The following FARP1 variants were observed in gnomAD, a reference collection of about 807,000 sequenced individuals.
The protein encoded by FARP1 is FERM, ARH/RhoGEF and pleckstrin domain protein 1, also known as FERM, ARHGEF and pleckstrin domain-containing protein 1.
Under a neutral mutation model 128.8 loss-of-function variants are expected in FARP1, and 52 were observed. The observed-to-expected ratio is 0.40, with a 90% CI of 0.32 to 0.51. The LOEUF (loss-of-function observed/expected upper bound fraction) is 0.51, where lower values mean the gene tolerates loss of function less well. Ranked by LOEUF, FARP1 falls within the 20% of genes least tolerant of loss-of-function variation. FARP1 has a pLI of 0.45. For missense variants in FARP1, 1,333 were observed against 1,367.9 expected (o/e 0.97, Z 0.40); for synonymous variants, 580 against 551.8 (o/e 1.05, Z -0.72).
At chr13:98,329,101 G>T (rs558208967) in intron 2 of FARP1, 1 of 152,264 alleles carries the variant, frequency 6.6e-6, no homozygotes, top group Admixed American at 6.5e-5. Context: ...GAAACGCTGC[G>T]CTGCCTATCA....
chr13:98,396,392 G>A lies in FARP1; in HGVS notation c.1414+916G>A, dbSNP rs192715888. On this transcript the variant is annotated intron_variant, in intron 13 of 26. Coordinates refer to ENST00000319562, the MANE Select transcript of FARP1 (RefSeq NM_005766.4). ...ATATTTGGTAACCCCGCAGTGCTGC[G>A]TTCCCCGTCCCTGCTGAGAAGCCGG... 5.8e-5 allele frequency: 23 copies of A among 399,254 alleles called. No individual in the cohort carries two copies. In the East Asian group the frequency reaches 6.8e-4, roughly 12 times the overall value. The allele number at this position is 399,254 out of a possible 1,614,324, so 24.7% of individuals were successfully genotyped here.
At chr13:98,315,366 A>C (rs1254071635) in intron 2 of FARP1, among the ~76,000 whole-genome samples, 2 of 152,068 alleles carry the variant, frequency 1.3e-5, no homozygotes, top group African/African-American at 2.4e-5. Flanking sequence ...CTGCCTCCCA[A>C]AGTGCTGGGA....
In FARP1 at chr13:98,293,139, G is replaced by A. The variant is rs531622138; in HGVS notation, c.172-50623G>A. Among the ~76,000 whole-genome samples, 4 of 152,238 alleles carry A rather than the reference G, an allele frequency of 2.6e-5. No homozygotes were observed. The East Asian group carries it at 7.7e-4, about 29-fold the overall frequency. On this transcript the variant is annotated intron_variant, in intron 2 of 26. Transcript: ENST00000319562. ...CGAATCTTTTCTTAACTCAATGGTG[G>A]ATGACTGACATTGCCCTATTTTCCA...
chr13:98,419,955 T>C (rs1266012756), intron 16 of FARP1, among the ~76,000 whole-genome samples: 1 of 152,132 alleles, frequency 6.6e-6, no homozygotes, highest in East Asian at 1.9e-4. Flanking sequence ...GTATGCAGTG[T>C]GCCAGTCACT....
chr13:98,299,535 G>A, intron 2 of FARP1, among the ~76,000 whole-genome samples: 1 of 152,150 alleles, frequency 6.6e-6, no homozygotes, highest in East Asian at 1.9e-4. Flanking sequence ...ATTGTGTGTG[G>A]AGTTATGCTC....
At chr13:98,446,523 TG>T in intron 25 of FARP1, 142 bp from the exon 26 acceptor site, 1 of 813,704 alleles carries the variant, frequency 1.2e-6, no homozygotes, top group Non-Finnish European at 2.0e-6. Flanking sequence ...AGGCAAACAC[TG>T]GCTGCCATGG....
chr13:98,440,315 A>T lies in FARP1; in HGVS notation c.2629+80A>T, dbSNP rs1244100745. The T allele has an allele frequency of 7.0e-6, 7 of 1,003,652 alleles. No homozygotes were observed. In the African/African-American group the frequency reaches 7.9e-5, roughly 11 times the overall value. 62.2% of individuals were successfully genotyped at this position (1,003,652 alleles called of 1,614,324 possible). A position where few individuals can be genotyped will look rare whatever the true frequency, so the allele number is the denominator to read the frequency against. ...GCATTTCTGCATCTAAAGCCACCCC[A>T]TCGGGTAGGCCTCACATCCGTGGTG... On this transcript the variant is annotated intron_variant, in intron 23 of 26. Coordinates refer to ENST00000319562, the MANE Select transcript of FARP1 (RefSeq NM_005766.4).
chr13:98,446,113 A>G lies in FARP1; in HGVS notation c.2812A>G (p.Asn938Asp), dbSNP rs1892818747. The G allele has an allele frequency of 6.2e-7, 1 of 1,613,726 alleles. No individual in the cohort carries two copies. Among genetic ancestry groups the G allele is most frequent in the Non-Finnish European group, 8.5e-7 (1 of 1,179,644 alleles). The change falls in exon 25 of 27, where the codon AAC (asparagine) becomes GAC (aspartate). Residue 938 changes from asparagine (N) to aspartate (D), a missense_variant. By Grantham distance (23) the Asn-to-Asp change is conservative. Around this residue, in one of 2 missense-constraint regions of FARP1, gnomAD observed 1,009 missense variants for 969.8 expected, o/e 1.04. Transcript: ENST00000319562. ...SIAVENQLSG[N>D]LLRKFKNSNG... is the part of the protein sequence containing the mutation. ...TGCCTTTCAGAATCAGTTGTCTGGA[A>G]ACCTGCTGAGGAAATTCAAAAACAG...
At chr13:98,379,182 T>TCTATATA (rs1889781215) in intron 6 of FARP1, among the ~76,000 whole-genome samples, 3 of 74,346 alleles carry the variant, frequency 4.0e-5, no homozygotes, top group African/African-American at 2.4e-4. Context: ...CTATATATAA[T>TCTATATA]ATATATAATA....
At chr13:98,343,351 A>G (rs1242488828) in intron 2 of FARP1, among the ~76,000 whole-genome samples, 1 of 152,168 alleles carries the variant, frequency 6.6e-6, no homozygotes, top group African/African-American at 2.4e-5. Context: ...TGAGCTATGG[A>G]GTGTGAGTGA....
In FARP1 at chr13:98,143,100, C is replaced by G. The variant is rs1285439512; in HGVS notation, c.-416C>G. ...GGGAGGGGCGGTGGCCACTGCACTT[C>G]CCGCTCGCCGGCCTCAGAGGCGGCG... On this transcript the variant is annotated 5_prime_UTR_variant, in exon 1 of 27. Coordinates refer to ENST00000319562, the MANE Select transcript of FARP1 (RefSeq NM_005766.4). 2 of 147,800 alleles carry G rather than the reference C, an allele frequency of 1.4e-5. No homozygotes were observed. The highest frequency in any genetic ancestry group is 3.0e-5 in the Non-Finnish European group (2 of 66,300). 9.2% of individuals were successfully genotyped at this position (147,800 alleles called of 1,614,324 possible). A position where few individuals can be genotyped will look rare whatever the true frequency, so the allele number is the denominator to read the frequency against.
chr13:98,263,816 C>T (rs1230370097), intron 2 of FARP1, among the ~76,000 whole-genome samples: 2 of 152,172 alleles, frequency 1.3e-5, no homozygotes, highest in Admixed American at 1.3e-4. Flanking sequence ...TATATTGTGA[C>T]ATCCTTCAAT....
chr13:98,422,632 G>A (rs1891634939), intron 16 of FARP1, among the ~76,000 whole-genome samples: 1 of 152,176 alleles, frequency 6.6e-6, no homozygotes, highest in South Asian at 2.1e-4. Flanking sequence ...AAATAATGCT[G>A]TTGATTGCCT....
Position 98,438,886 on chromosome 13 carries a change from G to C in FARP1, c.2343+14G>C, listed in dbSNP as rs1415329197. On this transcript the variant is annotated intron_variant, in intron 20 of 26. Transcript: ENST00000319562. ...ATGTTCTTCCTGGTGAGTGGAGAGAGCGGCTTGTCCTCACAAGGATTGTGT... is the reference window on the plus strand; with the variant it reads ...ATGTTCTTCCTGGTGAGTGGAGAGACCGGCTTGTCCTCACAAGGATTGTGT... The C allele has an allele frequency of 6.2e-7, 1 of 1,613,086 alleles. No homozygotes were observed. The highest frequency in any genetic ancestry group is 2.2e-5 in the East Asian group (1 of 44,882).
At chr13:98,366,584 G>C (rs1341798772) in intron 4 of FARP1, among the ~76,000 whole-genome samples, 2 of 152,220 alleles carry the variant, frequency 1.3e-5, no homozygotes, top group Non-Finnish European at 2.9e-5. Context: ...GACTCTGGTT[G>C]GGTCAGAGCT....
At chr13:98,225,346 C>T (rs533312196) in intron 2 of FARP1, among the ~76,000 whole-genome samples, 6 of 152,224 alleles carry the variant, frequency 3.9e-5, no homozygotes, top group East Asian at 1.9e-4. Flanking sequence ...TCCTGTGTGT[C>T]GCCCACAGGA....
Position 98,393,609 on chromosome 13 carries a change from C to T in FARP1, c.1089-34C>T, listed in dbSNP as rs751299441. ...CAAGGAAAAAGAAACAAAAACCTCA[C>T]CTAACTTTAATGATCTTGTGTGATT... is the stretch of plus-strand genomic sequence containing the variant. On this transcript the variant is annotated intron_variant, in intron 11 of 26. Transcript: ENST00000319562. 12 of 1,572,904 alleles carry T rather than the reference C, an allele frequency of 7.6e-6. No homozygotes were observed. In the East Asian group the frequency reaches 2.0e-4, roughly 26 times the overall value.
chr13:98,239,622 G>C (rs1234398296), intron 2 of FARP1, among the ~76,000 whole-genome samples: 2 of 152,178 alleles, frequency 1.3e-5, no homozygotes, highest in African/African-American at 4.8e-5. Context: ...GACTCCAGCA[G>C]GCCTCAGGCA....
chr13:98,255,056 T>C (rs1180027669), intron 2 of FARP1, among the ~76,000 whole-genome samples: 1 of 152,172 alleles, frequency 6.6e-6, no homozygotes, highest in Non-Finnish European at 1.5e-5. Context: ...TGGCTTCATT[T>C]GAGAAATGAG....
Sources: gnomAD v4.1 joint callset for allele counts (sites outside exome capture counted in the v4.1 genomes callset) on GRCh38, gnomAD v4.1.1 for gene constraint, gnomAD v4.1.1 regional missense constraint, MANE v1.5 for transcripts, NCBI Gene and HGNC (gene_info 2026-07-23, HGNC 2026-07-21) for gene names.